Variants in POC1B observed in about 807,000 individuals in gnomAD.
The protein encoded by POC1B is POC1 centriolar protein B, also known as POC1 centriolar protein homolog B.
Under a neutral mutation model 60.6 loss-of-function variants are expected in POC1B, and 44 were observed. The observed-to-expected ratio is 0.73, with a 90% CI of 0.57 to 0.93. POC1B has a LOEUF of 0.93. Among genes scored for constraint, POC1B ranks in the 40% least tolerant of loss-of-function variants. The probability of loss-of-function intolerance (pLI) is 0.00; values close to 1 mark genes in which losing one functional copy is unlikely to be tolerated. For synonymous variants in POC1B, 180 were observed against 198.9 expected (o/e 0.90, Z 0.80); for missense variants, 555 against 572.3 (o/e 0.97, Z 0.31).
At chr12:89,497,079 T>C in intron 3 of POC1B, 92 bp downstream of exon 3, 1 of 1,292,962 alleles carries the variant, frequency 7.7e-7, no homozygotes, top group Non-Finnish European at 1.1e-6. Flanking sequence ...AGAATAACAG[T>C]GCAGGCAGCA....
At chr12:89,513,937 T>G (rs1870310297) in intron 2 of POC1B, among the ~76,000 whole-genome samples, 1 of 152,204 alleles carries the variant, frequency 6.6e-6, no homozygotes, top group Non-Finnish European at 1.5e-5. Context: ...TTACTGAAAT[T>G]TCAGCTTCCG....
chr12:89,408,399 C>T, the POC1B span, among the ~76,000 whole-genome samples: 2 of 151,946 alleles, frequency 1.3e-5, no homozygotes, highest in South Asian at 4.2e-4. Context: ...TCCACAATGG[C>T]TGAACTAATT....
At chr12:89,525,623 G>A (rs1253295898) in intron 1 of POC1B, 2 of 1,280,340 alleles carry the variant, frequency 1.6e-6, no homozygotes, top group Admixed American at 3.7e-5. Context: ...AGAATTCTGG[G>A]GGCCGTGGGG....
chr12:89,426,053 G>A (rs704088), intron 10 of POC1B: 38,003 of 152,036 alleles, frequency 0.25, 5,131 homozygotes, highest in Admixed American at 0.33. Flanking sequence ...ATATAATTCA[G>A]CCATAAAAAG....
chr12:89,466,324 T>C (rs536184888), intron 9 of POC1B, among the ~76,000 whole-genome samples: 1 of 152,324 alleles, frequency 6.6e-6, no homozygotes, highest in Non-Finnish European at 1.5e-5. Context: ...AACATTGTCT[T>C]AATTATTAGA....
At chr12:89,447,052 T>TC (rs1183158145) in intron 10 of POC1B, among the ~76,000 whole-genome samples, 1 of 152,192 alleles carries the variant, frequency 6.6e-6, no homozygotes, top group Non-Finnish European at 1.5e-5. Context: ...GATAAATGAA[T>TC]AGATCTTAAC....
Position 89,421,190 on chromosome 12 carries a change from T to A in POC1B, c.1400A>T (p.Gln467Leu). Residue 467 changes from glutamine to leucine, a missense_variant, in exon 12 of 12, where the codon CAG becomes CTG. Coordinates refer to ENST00000313546, the MANE Select transcript of POC1B (RefSeq NM_172240.3). ...TTGGACAGCACTGAAAAGCTTTTGCTGATTTTCAAGGCAGTCTTTCAGCTT... is the reference window on the plus strand; with the variant it reads ...TTGGACAGCACTGAAAAGCTTTTGCAGATTTTCAAGGCAGTCTTTCAGCTT... The part of the protein sequence containing the change: ...EDKLKDCLEN[Q>L]QKLFSAVQQK... 6.2e-7 allele frequency: 1 copy of A among 1,602,592 alleles called. No individual in the cohort carries two copies.
rs374048689 is a variant in POC1B, at chr12:89,522,938, T to C, written c.100+2182A>G. The C allele has an allele frequency of 2.5e-6, 4 of 1,613,910 alleles. No individual in the cohort carries two copies. The African/African-American group carries it at 4.0e-5, about 16-fold the overall frequency. On this transcript the variant is annotated intron_variant, in intron 2 of 11. Coordinates refer to ENST00000313546, the MANE Select transcript of POC1B (RefSeq NM_172240.3). ...AGTCCTGAGTGTGGGTGAAAAATAG[T>C]TCCATCTTCTTTAAAATGCCAAATA...
chr12:89,481,586 T>C (rs771415100), intron 4 of POC1B, among the ~76,000 whole-genome samples: 16 of 152,082 alleles, frequency 1.1e-4, no homozygotes, highest in Non-Finnish European at 2.4e-4. Context: ...GAAGACAGGG[T>C]ACAAGAGAAG....
the POC1B span, among the ~76,000 whole-genome samples, chr12:89,412,999 A>G: frequency 6.6e-6 from 1 of 150,632 alleles, no homozygotes; most frequent in Non-Finnish European, 1.5e-5. Context: ...CCTGGATTCA[A>G]GAAATTTTCC....
chr12:89,434,466 G>A (rs1881168011), intron 10 of POC1B, among the ~76,000 whole-genome samples: 1 of 152,128 alleles, frequency 6.6e-6, no homozygotes, highest in Non-Finnish European at 1.5e-5. Flanking sequence ...ATACAGCTAG[G>A]ACAAATGGAA....
intron 2 of POC1B, among the ~76,000 whole-genome samples, chr12:89,516,739 G>A (rs746456740): frequency 2.0e-5 from 3 of 152,062 alleles, no homozygotes; most frequent in Admixed American, 6.5e-5. Context: ...GGTGTTGGCC[G>A]GGCCACACTC....
intron 10 of POC1B, among the ~76,000 whole-genome samples, chr12:89,457,032 C>A (rs1882289989): frequency 1.3e-5 from 2 of 152,122 alleles, no homozygotes; most frequent in Non-Finnish European, 2.9e-5. Context: ...TCTACAAAAA[C>A]CAAACAAATC....
chr12:89,428,200 AC>A (rs1262651139), intron 10 of POC1B: 1 of 152,332 alleles, frequency 6.6e-6, no homozygotes, highest in Non-Finnish European at 1.5e-5. Context: ...GCTTTAAAAA[AC>A]AAACCAACAA....
At chr12:89,522,027 T>G (rs1870925479) in intron 2 of POC1B, 5 of 398,866 alleles carry the variant, frequency 1.3e-5, no homozygotes, top group Non-Finnish European at 2.2e-5. Flanking sequence ...ATTCATAACT[T>G]AAGGAAGTGC....
chr12:89,496,269 C>T (rs567321620), intron 3 of POC1B, among the ~76,000 whole-genome samples: 1 of 152,258 alleles, frequency 6.6e-6, no homozygotes, highest in Non-Finnish European at 1.5e-5. Flanking sequence ...TCTAATGCCG[C>T]CGCTGATCCG....
chr12:89,494,474 T>C (rs1252883087), intron 3 of POC1B, among the ~76,000 whole-genome samples: 1 of 152,174 alleles, frequency 6.6e-6, no homozygotes, highest in Non-Finnish European at 1.5e-5. Context: ...GAAGTCTGTT[T>C]ATTTCCCCTC....
Position 89,452,215 on chromosome 12 carries a change from G to A in POC1B, c.1113+7423C>T, listed in dbSNP as rs1191736846. Among the ~76,000 whole-genome samples, 5 of 152,130 alleles carry A rather than the reference G, an allele frequency of 3.3e-5. No homozygotes were observed. The East Asian group carries it at 9.6e-4, about 29-fold the overall frequency. On this transcript the variant is annotated intron_variant, in intron 10 of 11. Coordinates refer to ENST00000313546, the MANE Select transcript of POC1B (RefSeq NM_172240.3). ...ATGCAGCTTAGATTCCCAGGCCCGG[G>A]ACAGTCGGTATTACTGCAGTAGTCC...
At chr12:89,509,285 T>C (rs1870056877) in intron 2 of POC1B, among the ~76,000 whole-genome samples, 1 of 152,242 alleles carries the variant, frequency 6.6e-6, no homozygotes, top group Admixed American at 6.5e-5. Context: ...TCTCAAATTG[T>C]TCCAGATTTG....
Sources: allele counts gnomAD v4.1 joint callset (sites outside exome capture counted in the v4.1 genomes callset), GRCh38; gene constraint gnomAD v4.1.1; transcripts MANE v1.5; gene names NCBI Gene and HGNC (gene_info 2026-07-23, HGNC 2026-07-21).